Variants in PHF12 observed in about 807,000 individuals in gnomAD.
PHF12 encodes the protein PHD factor 1.
A neutral mutation model predicts 99.8 loss-of-function variants in PHF12; 6 were observed. The observed-to-expected ratio is 0.06, with a 90% CI of 0.03 to 0.12. The LOEUF is 0.12. Ranked by LOEUF, PHF12 falls within the 10% of genes least tolerant of loss-of-function variation. PHF12 has a pLI of 1.00. For missense variants in PHF12, 954 were observed against 1,300.1 expected (o/e 0.73, Z 4.09); for synonymous variants, 480 against 514.9 (o/e 0.93, Z 0.92).
rs2040785982 is a variant in PHF12, at chr17:28,950,304, C to G, written c.67-58G>C. ...CTCGGAGCTCCCGGGCGGTCCGTCG[C>G]CCCCCCGGCGCGGTTTCTCCGTCAC... On this transcript the variant is annotated intron_variant, in intron 1 of 14. Coordinates refer to ENST00000332830, the MANE Select transcript of PHF12 (RefSeq NM_001033561.2). The surrounding 1 kb of genome is among the most constrained non-coding windows in gnomAD (Gnocchi z 5.7). 1.3e-6 allele frequency: 2 copies of G among 1,520,410 alleles called. No individual in the cohort carries two copies. Among genetic ancestry groups the G allele is most frequent in the Admixed American group, 3.9e-5 (2 of 50,936 alleles). The allele number at this position is 1,520,410 out of a possible 1,614,324, so 94.2% of individuals were successfully genotyped here.
At chr17:28,916,836 T>C (rs2040071135) in intron 7 of PHF12, among the ~76,000 whole-genome samples, 1 of 152,236 alleles carries the variant, frequency 6.6e-6, no homozygotes, top group Non-Finnish European at 1.5e-5. Flanking sequence ...GAAAAATAGA[T>C]TCAAGTTTCC....
At chr17:28,933,550 T>G (rs544404297) in intron 2 of PHF12, among the ~76,000 whole-genome samples, 1 of 152,212 alleles carries the variant, frequency 6.6e-6, no homozygotes, top group Non-Finnish European at 1.5e-5. Flanking sequence ...AGAGCCCAAG[T>G]TGTTTTTTAA....
rs753664550 is a variant in PHF12, at chr17:28,919,140, TACC to T, written c.969_969+2del. On this transcript the variant is annotated splice_donor_variant and coding_sequence_variant, in exon 6 of 15. Transcript: ENST00000332830. LOFTEE classifies it high-confidence loss of function. Reference sequence around the variant, plus strand: ...AGGACTGAATGGACACTGCTGTGCTTACCACCACATGTTCGATGTGATTCGGAC... The same window carrying T: ...AGGACTGAATGGACACTGCTGTGCTTACCACATGTTCGATGTGATTCGGAC... The T allele has an allele frequency of 6.8e-6, 11 of 1,613,432 alleles. No individual in the cohort carries two copies. The highest frequency in any genetic ancestry group is 2.2e-5 in the South Asian group (2 of 91,032).
chr17:28,912,168 A>G (rs1198509149), intron 9 of PHF12: 6 of 1,166,860 alleles, frequency 5.1e-6, no homozygotes, highest in Non-Finnish European at 6.3e-6. Context: ...TGACAGAACA[A>G]AACAGGCAGA....
At position 28,910,958 on chromosome 17, in the gene PHF12, C is replaced by T. The variant is rs535197709; in HGVS notation, c.2215+154G>A. On this transcript the variant is annotated intron_variant, in intron 10 of 14. Coordinates refer to ENST00000332830, the MANE Select transcript of PHF12 (RefSeq NM_001033561.2). ...AAGGAGCTTTCTTTTTCACCCCGCCCCCCCATCCAAAAGGATACTCCTCAT... is the reference window on the plus strand; with the variant it reads ...AAGGAGCTTTCTTTTTCACCCCGCCTCCCCATCCAAAAGGATACTCCTCAT... 84 of 1,063,748 alleles carry T rather than the reference C, an allele frequency of 7.9e-5. No individual in the cohort carries two copies. In the African/African-American group the frequency reaches 1.2e-3, roughly 15 times the overall value. 65.9% of individuals were successfully genotyped at this position (1,063,748 alleles called of 1,614,324 possible). A position where few individuals can be genotyped will look rare whatever the true frequency, so the allele number is the denominator to read the frequency against.
intron 2 of PHF12, among the ~76,000 whole-genome samples, chr17:28,934,920 C>T (rs1246547739): frequency 6.6e-6 from 1 of 152,208 alleles, no homozygotes; most frequent in African/African-American, 2.4e-5. Flanking sequence ...CTTTAGATTC[C>T]TTCTGAGAAT....
chr17:28,935,278 T>C (rs1286756864), intron 2 of PHF12, among the ~76,000 whole-genome samples: 1 of 152,104 alleles, frequency 6.6e-6, no homozygotes, highest in Non-Finnish European at 1.5e-5. Context: ...ATTTATTTTA[T>C]TTTTTTATTT....
chr17:28,926,890 G>A (rs2040286033), intron 3 of PHF12, 101 bp downstream of exon 3: 1 of 1,595,118 alleles, frequency 6.3e-7, no homozygotes, highest in Non-Finnish European at 8.5e-7. Context: ...GAGACAAGAA[G>A]AAGGGACAAG....
At chr17:28,935,078 A>G (rs1029612452) in intron 2 of PHF12, among the ~76,000 whole-genome samples, 5 of 152,186 alleles carry the variant, frequency 3.3e-5, no homozygotes, top group Non-Finnish European at 7.4e-5. Context: ...CTGCATTGCT[A>G]TGAGACATGC....
rs149209825 is a variant in PHF12, at chr17:28,906,190, A to C, written c.3008T>G (p.Val1003Gly). Residue 1003 changes from valine to glycine, a missense_variant, in exon 15 of 15, where the codon GTT (valine) becomes GGT (glycine). Val to Gly is a moderately radical substitution (Grantham distance 109). Around this residue, in one of 8 missense-constraint regions of PHF12, gnomAD observed 136 missense variants for 172.3 expected, o/e 0.79. Transcript: ENST00000332830. This position sits in a 1 kb window ranked among gnomAD's most constrained non-coding sequence, Gnocchi z 4.2. Reference protein sequence around the residue: ...HQGPVLRSNSVP With the variant: ...HQGPVLRSNSGP Reference sequence around the variant, plus strand: ...GCGGGGTAGCCGCCAGTCCTAAGGAACAGAGTTGGAGCGCAGCACAGGGCC... The same window carrying C: ...GCGGGGTAGCCGCCAGTCCTAAGGACCAGAGTTGGAGCGCAGCACAGGGCC... 2 of 1,585,390 alleles carry C rather than the reference A, an allele frequency of 1.3e-6. No individual in the cohort carries two copies. Among genetic ancestry groups the C allele is most frequent in the African/African-American group, 2.7e-5 (2 of 74,698 alleles).
In PHF12 at chr17:28,950,106, C is replaced by A. The variant is rs150216481; in HGVS notation, c.207G>T (p.Leu69=). 17 of 1,612,884 alleles carry A rather than the reference C, an allele frequency of 1.1e-5. No homozygotes were observed. Among genetic ancestry groups the A allele is most frequent in the Non-Finnish European group, 1.4e-5 (16 of 1,179,614 alleles). ...AGGCAGCCGGGCAGTGGTCGCAGCA[C>A]AGGAGATCTCCACCTTCCTTGCAGC... The part of the protein sequence containing the change: ...CDSCKEGGDL[L]CCDHCPAAFH... The change falls in exon 2 of 15, where the codon CTG becomes CTT. Residue 69 remains leucine (L), a synonymous_variant. Coordinates refer to ENST00000332830, the MANE Select transcript of PHF12 (RefSeq NM_001033561.2). This position sits in a 1 kb window ranked among gnomAD's most constrained non-coding sequence, Gnocchi z 5.7.
chr17:28,951,295 G>C lies in PHF12; in HGVS notation c.-335C>G. On this transcript the variant is annotated 5_prime_UTR_variant, in exon 1 of 15. Transcript: ENST00000332830. Reference sequence around the variant, plus strand: ...ACAGCCGGTCCGGCCGGGAAGGCTGGCGGGCGCTGCCATCCCGGGGCTGGG... The same window carrying C: ...ACAGCCGGTCCGGCCGGGAAGGCTGCCGGGCGCTGCCATCCCGGGGCTGGG... 2 of 1,120,790 alleles carry C rather than the reference G, an allele frequency of 1.8e-6. No individual in the cohort carries two copies. Among genetic ancestry groups the C allele is most frequent in the Non-Finnish European group, 2.2e-6 (2 of 913,468 alleles). 69.4% of individuals were successfully genotyped at this position (1,120,790 alleles called of 1,614,324 possible).
chr17:28,947,334 T>C (rs1378967134), intron 2 of PHF12, among the ~76,000 whole-genome samples: 1 of 152,186 alleles, frequency 6.6e-6, no homozygotes, highest in Non-Finnish European at 1.5e-5. Context: ...AGACATTAAA[T>C]ACTTGATCTA....
intron 3 of PHF12, chr17:28,925,773 A>G (rs1050580584): frequency 2.6e-5 from 4 of 152,230 alleles, no homozygotes; most frequent in Non-Finnish European, 5.9e-5. Context: ...AGCATTCGGT[A>G]TCCATCTATG....
At position 28,910,297 on chromosome 17, in the gene PHF12, G is replaced by A. The variant is rs1311973947; in HGVS notation, c.2288C>T (p.Pro763Leu). 1 of 1,614,194 alleles carries A rather than the reference G, an allele frequency of 6.2e-7. No homozygotes were observed. The highest frequency in any genetic ancestry group is 1.1e-5 in the South Asian group (1 of 91,088). Reference sequence around the variant, plus strand: ...GCCCGGTGAAGGTTGGACCCGGGAGGGGAAAAGCTGATGTATTCTCTGCAA... The same window carrying A: ...GCCCGGTGAAGGTTGGACCCGGGAGAGGAAAAGCTGATGTATTCTCTGCAA... ...LALQRIHQLF[P>L]SRVQPSPGSV... The change falls in exon 11 of 15, where the codon CCC becomes CTC. Residue 763 changes from proline to leucine, a missense_variant. By Grantham distance (98) the Pro-to-Leu change is moderately conservative (BLOSUM62 -3). Transcript: ENST00000332830.
At chr17:28,929,864 C>T (rs1401906917) in intron 2 of PHF12, 1 of 152,152 alleles carries the variant, frequency 6.6e-6, no homozygotes, top group Non-Finnish European at 1.5e-5. Flanking sequence ...TACAAAAGGC[C>T]ACATCTAAAC....
At chr17:28,914,671 CAAAAAAAAA>C (rs61203588) in intron 7 of PHF12, among the ~76,000 whole-genome samples, 2,635 of 30,070 alleles carry the variant, frequency 0.088, 21 homozygotes, top group African/African-American at 0.12. Context: ...GACTCCGTCT[CAAAAAAAAA>C]AAAAAAAAAA....
At chr17:28,934,489 T>C (rs2040470164) in intron 2 of PHF12, among the ~76,000 whole-genome samples, 1 of 152,204 alleles carries the variant, frequency 6.6e-6, no homozygotes, top group Non-Finnish European at 1.5e-5. Flanking sequence ...TGCATTTTGA[T>C]AAAATACCTG....
intron 2 of PHF12, chr17:28,944,453 C>G (rs1173218312): frequency 1.1e-6 from 1 of 946,998 alleles, no homozygotes; most frequent in Non-Finnish European, 1.3e-6. Context: ...AGCCCCTAAG[C>G]CCTACATTAA....
Sources: gnomAD v4.1 joint callset for allele counts (sites outside exome capture counted in the v4.1 genomes callset) on GRCh38, gnomAD v4.1.1 for gene constraint, gnomAD v4.1.1 regional missense constraint, Gnocchi (gnomAD v3.1) non-coding constraint, MANE v1.5 for transcripts, NCBI Gene and HGNC (gene_info 2026-07-23, HGNC 2026-07-21) for gene names.